VIT: variants seen among roughly 807,000 people sequenced by gnomAD.
VIT encodes vitrin.
A neutral mutation model predicts 78.0 loss-of-function variants in VIT; 99 were observed. That is an observed-to-expected ratio of 1.27 (90% CI 1.08 to 1.50). The LOEUF (loss-of-function observed/expected upper bound fraction) is 1.50. Among genes scored for constraint, VIT ranks in the 40% most tolerant of loss-of-function variants. The probability of loss-of-function intolerance (pLI) is 0.00; values close to 1 mark genes in which losing one functional copy is unlikely to be tolerated. For missense variants in VIT, 1,126 were observed against 875.3 expected, an observed-to-expected ratio of 1.29 and a Z score of -3.61; for synonymous variants, 374 against 334.3, an observed-to-expected ratio of 1.12 and a Z score of -1.29.
intron 2 of VIT, among the ~76,000 whole-genome samples, chr2:36,721,010 CAA>C (rs59344500): frequency 7.5e-4 from 100 of 134,104 alleles, no homozygotes; most frequent in South Asian, 2.4e-4. Context: ...GACTCCATCT[CAA>C]AAAAAAAAAA....
chr2:36,710,520 C>A (rs1294312586), intron 1 of VIT, among the ~76,000 whole-genome samples: 1 of 152,162 alleles, frequency 6.6e-6, no homozygotes. Flanking sequence ...CCTTTGCCAT[C>A]TTTTACTTCT....
chr2:36,720,242 A>ACT (rs1434117159), intron 2 of VIT, among the ~76,000 whole-genome samples: 11 of 152,216 alleles, frequency 7.2e-5, no homozygotes, highest in African/African-American at 2.4e-4. Context: ...ATCCAAATAC[A>ACT]CTACAAAGCT....
chr2:36,767,340 T>C lies in VIT; in HGVS notation c.679+55T>C, dbSNP rs546837194. Reference sequence around the variant, plus strand: ...GCTAGGGAAATGGGAAATTGGGCTTTTAGAGTAACAGCTCTGTCTGAGCAT... The same window carrying C: ...GCTAGGGAAATGGGAAATTGGGCTTCTAGAGTAACAGCTCTGTCTGAGCAT... On this transcript the variant is annotated intron_variant, in intron 7 of 15. Transcript: ENST00000379242. 1.3e-5 allele frequency: 18 copies of C among 1,427,370 alleles called. No homozygotes were observed. In the Admixed American group the frequency reaches 3.2e-4, roughly 26 times the overall value. The allele number at this position is 1,427,370 out of a possible 1,614,324, so 88.4% of individuals were successfully genotyped here.
At chr2:36,719,708 G>A (rs1666375611) in intron 2 of VIT, among the ~76,000 whole-genome samples, 2 of 152,240 alleles carry the variant, frequency 1.3e-5, no homozygotes. Flanking sequence ...CGTGGCGGAA[G>A]TAGGCAGATC....
rs770126396 is a variant in VIT, at chr2:36,808,283, C to A, written c.1390-189C>A. Among the ~76,000 whole-genome samples the A allele has an allele frequency of 2.0e-5, 3 of 152,340 alleles. No individual in the cohort carries two copies. In the East Asian group the frequency reaches 5.8e-4, roughly 29 times the overall value. On this transcript the variant is annotated intron_variant, in intron 14 of 15. Coordinates refer to ENST00000379242, the MANE Select transcript of VIT (RefSeq NM_053276.4). ...GCTGAGGGAGTAGGACTGAGTCCAG[C>A]GATAACCCGGGGGCTTCGCCTCAGT...
At position 36,776,974 on chromosome 2, in the gene VIT, A is replaced by G. The variant is rs1670099937; in HGVS notation, c.802+1907A>G. On this transcript the variant is annotated intron_variant, in intron 9 of 15. Coordinates refer to ENST00000379242, the MANE Select transcript of VIT (RefSeq NM_053276.4). ...CGTGGTGGCGGGCGCCTGTAGTCCC[A>G]GCTACTTGGGAGGCTGAGGCAGGAG... Among the ~76,000 whole-genome samples the G allele has an allele frequency of 6.0e-5, 9 of 149,830 alleles. No individual in the cohort carries two copies. In the South Asian group the frequency reaches 1.9e-3, roughly 32 times the overall value.
chr2:36,761,170 C>G (rs975253684), intron 6 of VIT, among the ~76,000 whole-genome samples: 1 of 152,326 alleles, frequency 6.6e-6, no homozygotes, highest in Admixed American at 6.5e-5. Flanking sequence ...AAATAAGATG[C>G]CCACCTGCCC....
intron 1 of VIT, among the ~76,000 whole-genome samples, chr2:36,709,106 C>T (rs1483768470): frequency 1.3e-5 from 2 of 152,234 alleles, no homozygotes; most frequent in South Asian, 2.1e-4. Context: ...GCCCAGATCA[C>T]GCCACTGCAC....
chr2:36,797,438 G>A (rs1665985496), intron 12 of VIT, among the ~76,000 whole-genome samples: 1 of 152,184 alleles, frequency 6.6e-6, no homozygotes, highest in Admixed American at 6.5e-5. Context: ...GATATTTAGA[G>A]GTAGGTCTGA....
chr2:36,766,457 G>A (rs955394139), intron 6 of VIT, among the ~76,000 whole-genome samples: 19 of 152,188 alleles, frequency 1.2e-4, no homozygotes, highest in African/African-American at 4.6e-4. Context: ...CTGTACCCCA[G>A]AAGTTCGAGG....
chr2:36,745,943 G>A (rs774298031), intron 4 of VIT, among the ~76,000 whole-genome samples: 27 of 152,110 alleles, frequency 1.8e-4, no homozygotes, highest in Non-Finnish European at 2.6e-4. Context: ...CTGTGGATTT[G>A]TCATAGATAG....
At chr2:36,697,054 T>G (rs1664723013) in intron 1 of VIT, 81 bp downstream of exon 1, 1 of 150,856 alleles carries the variant, frequency 6.6e-6, no homozygotes. Flanking sequence ...TTTAAGAAAC[T>G]ACAATACAAA....
rs76104022 is a variant in VIT, at chr2:36,704,911, A to T, written c.-19+7938A>T. On this transcript the variant is annotated intron_variant, in intron 1 of 15. Transcript: ENST00000379242. Reference sequence around the variant, plus strand: ...CTGAGAATGTTTTGCTGTGCTTCAGAATTGAAGGCAGACCAAAAAGCACAG... The same window carrying T: ...CTGAGAATGTTTTGCTGTGCTTCAGTATTGAAGGCAGACCAAAAAGCACAG... Among the ~76,000 whole-genome samples the T allele has an allele frequency of 8.4e-3, 1,285 of 152,252 alleles. 21 individuals carry two copies. Among genetic ancestry groups the T allele is most frequent in the Non-Finnish European group, 8.6e-3 (588 of 68,014 alleles).
At chr2:36,781,109 T>C (rs142712803) in intron 9 of VIT, among the ~76,000 whole-genome samples, 1 of 152,160 alleles carries the variant, frequency 6.6e-6, no homozygotes, top group Non-Finnish European at 1.5e-5. Context: ...AGTCACACAG[T>C]GAGAAGCAGA....
intron 3 of VIT, among the ~76,000 whole-genome samples, chr2:36,730,249 C>T (rs540612985): frequency 6.6e-6 from 1 of 150,850 alleles, no homozygotes; most frequent in East Asian, 1.9e-4. Context: ...GATCATACCA[C>T]TGAACTCCAG....
chr2:36,742,855 A>G (rs1558531772), intron 3 of VIT, among the ~76,000 whole-genome samples: 1 of 152,218 alleles, frequency 6.6e-6, no homozygotes, highest in African/African-American at 2.4e-5. Context: ...GGTTATTTCA[A>G]TAAGCACAGG....
At chr2:36,761,245 C>T (rs188253737) in intron 6 of VIT, among the ~76,000 whole-genome samples, 7 of 152,258 alleles carry the variant, frequency 4.6e-5, no homozygotes, top group South Asian at 2.1e-4. Context: ...GGCTTGGGTA[C>T]GACAAAGTGT....
At chr2:36,804,363 G>T (rs1666549081) in intron 13 of VIT, among the ~76,000 whole-genome samples, 1 of 152,182 alleles carries the variant, frequency 6.6e-6, no homozygotes, top group Non-Finnish European at 1.5e-5. Context: ...CCTGACCCCA[G>T]AACACAGCTC....
At chr2:36,796,043 A>G (rs1158807939) in intron 12 of VIT, among the ~76,000 whole-genome samples, 2 of 152,030 alleles carry the variant, frequency 1.3e-5, no homozygotes, top group Admixed American at 6.6e-5. Context: ...CTGAAATAAT[A>G]TCTAAAGGGT....
Sources: gnomAD v4.1 joint callset for allele counts (sites outside exome capture counted in the v4.1 genomes callset) on GRCh38, gnomAD v4.1.1 for gene constraint, MANE v1.5 for transcripts, NCBI Gene and HGNC (gene_info 2026-07-23, HGNC 2026-07-21) for gene names.